The following UGT1A3 variants were observed in gnomAD, a reference collection of about 807,000 sequenced individuals.
UGT1A3 encodes UDP glucuronosyltransferase family 1 member A3, also known as UDP-glucuronosyltransferase 1A3.
UGT1A3 carries 31 observed loss-of-function variants against 41.0 expected under a neutral mutation model. The ratio of observed to expected loss-of-function variants is 0.76; its 90% CI spans 0.57 to 1.02. The LOEUF (loss-of-function observed/expected upper bound fraction) is 1.02, where lower values mean the gene tolerates loss of function less well. Among genes scored for constraint, UGT1A3 ranks in the 50% least tolerant of loss-of-function variants. UGT1A3 has a pLI of 0.00. For synonymous variants in UGT1A3, 262 were observed against 257.6 expected (o/e 1.02, Z -0.17); for missense variants, 737 against 671.0 (o/e 1.10, Z -1.09).
chr2:233,760,256 G>A (rs2125981290), intron 1 of UGT1A3: 1 of 1,610,940 alleles, frequency 6.2e-7, no homozygotes, highest in South Asian at 1.1e-5. Context: ...ATAAGTAGGA[G>A]AGGGCGAACC....
At chr2:233,756,024 C>T (rs151069909) in intron 1 of UGT1A3, 1 of 152,170 alleles carries the variant, frequency 6.6e-6, no homozygotes, top group African/African-American at 2.4e-5. Flanking sequence ...ATTACACATC[C>T]CCCATGTAGC....
chr2:233,763,841 T>C (rs1452550547), intron 1 of UGT1A3, among the ~76,000 whole-genome samples: 1 of 152,178 alleles, frequency 6.6e-6, no homozygotes, highest in Admixed American at 6.5e-5. Context: ...CAGGGTAAGA[T>C]AGCAGTGGTT....
chr2:233,762,837 TAGGC>T (rs1698177979), intron 1 of UGT1A3, among the ~76,000 whole-genome samples: 1 of 152,150 alleles, frequency 6.6e-6, no homozygotes, highest in South Asian at 2.1e-4. Context: ...TAAAAAATAA[TAGGC>T]AGTCATTTGC....
At position 233,772,407 on chromosome 2, in the gene UGT1A3, T is replaced by C. The variant is rs770903084; in HGVS notation, c.1453T>C (p.Tyr485His). The C allele has an allele frequency of 7.5e-5, 121 of 1,614,104 alleles. No individual in the cohort carries two copies. Among genetic ancestry groups the C allele is most frequent in the Non-Finnish European group, 9.9e-5 (117 of 1,180,046 alleles). ...CCCCGCAGCCCACGACCTCACCTGG[T>C]ACCAGTACCATTCCTTGGACGTGAT... The part of the protein sequence containing the change: ...LRPAAHDLTW[Y>H]QYHSLDVIGF... Residue 485 changes from tyrosine to histidine, a missense_variant, in exon 5 of 5, where the codon TAC becomes CAC. Transcript: ENST00000482026.
chr2:233,759,599 A>ACCCCCCCCCCCC (rs1553620419), intron 1 of UGT1A3, among the ~76,000 whole-genome samples: 28 of 108,656 alleles, frequency 2.6e-4, no homozygotes, highest in African/African-American at 6.5e-4. Context: ...CCCACCCCCG[A>ACCCCCCCCCCCC]CCCGCCCCAC....
At chr2:233,748,154 C>T (rs1428123835) in intron 1 of UGT1A3, 2 of 1,600,806 alleles carry the variant, frequency 1.2e-6, no homozygotes, top group Non-Finnish European at 1.7e-6. Flanking sequence ...CTTACAATTG[C>T]TTCCATATCT....
At chr2:233,752,155 C>T (rs1694901340) in intron 1 of UGT1A3, among the ~76,000 whole-genome samples, 1 of 152,178 alleles carries the variant, frequency 6.6e-6, no homozygotes, top group African/African-American at 2.4e-5. Flanking sequence ...CTTCTAGATG[C>T]TTTCTAGTGT....
At chr2:233,747,632 C>G in intron 1 of UGT1A3, 1 of 1,580,404 alleles carries the variant, frequency 6.3e-7, no homozygotes, top group Non-Finnish European at 8.7e-7. Context: ...TGATCAGGCA[C>G]CTGAATGCTA....
chr2:233,770,519 A>G (rs1327661350), intron 4 of UGT1A3: 1 of 152,120 alleles, frequency 6.6e-6, no homozygotes, highest in Non-Finnish European at 1.5e-5. Flanking sequence ...TTACCCAGGC[A>G]TGGTGGTGTA....
intron 1 of UGT1A3, among the ~76,000 whole-genome samples, chr2:233,761,398 A>G (rs1697764462): frequency 6.6e-6 from 1 of 152,192 alleles, no homozygotes; most frequent in Non-Finnish European, 1.5e-5. Context: ...AGTGGATAGT[A>G]ATCAATTAGA....
intron 1 of UGT1A3, among the ~76,000 whole-genome samples, chr2:233,762,607 TTTG>T (rs1336079545): frequency 6.6e-6 from 1 of 152,220 alleles, no homozygotes; most frequent in Non-Finnish European, 1.5e-5. Flanking sequence ...TTCCAGGAGT[TTTG>T]TTGTTGTGAC....
Position 233,729,591 on chromosome 2 carries a change from C to T in UGT1A3, c.465C>T (p.Asn155=), listed in dbSNP as rs142676251. Reference sequence around the variant, plus strand: ...ATGTGGTTTTAACAGACCCCGTTAACCTCTGCGCGGCAGTGCTGGCTAAGT... The same window carrying T: ...ATGTGGTTTTAACAGACCCCGTTAATCTCTGCGCGGCAGTGCTGGCTAAGT... The part of the protein sequence containing the change: ...SFDVVLTDPV[N]LCAAVLAKYL... Residue 155 remains asparagine (N), a synonymous_variant, in exon 1 of 5, where the codon AAC becomes AAT. Coordinates refer to ENST00000482026, the MANE Select transcript of UGT1A3 (RefSeq NM_019093.4). 633 of 1,613,962 alleles carry T rather than the reference C, an allele frequency of 3.9e-4. 1 individual carries two copies. Among genetic ancestry groups the T allele is most frequent in the Non-Finnish European group, 5.0e-4 (593 of 1,179,978 alleles).
At chr2:233,771,027 G>A (rs186703216) in intron 4 of UGT1A3, 2 of 152,078 alleles carry the variant, frequency 1.3e-5, no homozygotes, top group Admixed American at 6.6e-5. Context: ...GAGAGAGTTG[G>A]GGGGGAAGGT....
chr2:233,734,198 C>T (rs930421172), intron 1 of UGT1A3, among the ~76,000 whole-genome samples: 6 of 152,124 alleles, frequency 3.9e-5, no homozygotes, highest in African/African-American at 1.2e-4. Context: ...GCCTCAATTT[C>T]AGAGCCTGTT....
intron 1 of UGT1A3, among the ~76,000 whole-genome samples, chr2:233,737,056 C>T (rs372490869): frequency 3.3e-5 from 5 of 152,206 alleles, no homozygotes; most frequent in South Asian, 2.1e-4. Context: ...ACTAGGAGAA[C>T]GAGTGCTCTC....
intron 1 of UGT1A3, among the ~76,000 whole-genome samples, chr2:233,732,565 C>G (rs891048525): frequency 2.0e-5 from 3 of 152,178 alleles, no homozygotes; most frequent in African/African-American, 7.2e-5. Context: ...AATAAGGAAT[C>G]CTTTCCCCAT....
At position 233,768,158 on chromosome 2, in the gene UGT1A3, A is replaced by AGAACCTAGG. The variant is rs1559415093; in HGVS notation, c.1088-62_1088-61insGAACCTAGG. The AGAACCTAGG allele has an allele frequency of 1.9e-6, 3 of 1,613,074 alleles. No homozygotes were observed. In the African/African-American group the frequency reaches 4.0e-5, roughly 22 times the overall value. On this transcript the variant is annotated intron_variant, in intron 3 of 4. Transcript: ENST00000482026. ...TCTTTGGAGTGTTTTCAGAACCTAGATGTGTCCAGCTGTGAAACTCAGAGA... is the reference window on the plus strand; with the variant it reads ...TCTTTGGAGTGTTTTCAGAACCTAGAGAACCTAGGTGTGTCCAGCTGTGAAACTCAGAGA...
rs573640732 is a variant in UGT1A3, at chr2:233,742,006, C to A, written c.867+12013C>A. On this transcript the variant is annotated intron_variant, in intron 1 of 4. Coordinates refer to ENST00000482026, the MANE Select transcript of UGT1A3 (RefSeq NM_019093.4). The stretch of plus-strand genomic sequence containing the variant: ...CAAAAAATATTACAGATACACTTGG[C>A]TTTCATCAACCTAATTTGATATGTC... 5 of 152,014 alleles carry A rather than the reference C, an allele frequency of 3.3e-5. No individual in the cohort carries two copies. The South Asian group carries it at 8.3e-4, about 25-fold the overall frequency. 9.4% of individuals were successfully genotyped at this position (152,014 alleles called of 1,614,324 possible).
intron 1 of UGT1A3, among the ~76,000 whole-genome samples, chr2:233,738,473 C>G (rs1020432064): frequency 1.3e-5 from 2 of 152,168 alleles, no homozygotes; most frequent in Non-Finnish European, 1.5e-5. Flanking sequence ...TTTGGAACTT[C>G]CTGGAGACTT....
Sources: allele counts gnomAD v4.1 joint callset (sites outside exome capture counted in the v4.1 genomes callset), GRCh38; gene constraint gnomAD v4.1.1; transcripts MANE v1.5; gene names NCBI Gene and HGNC (gene_info 2026-07-23, HGNC 2026-07-21).